Variants in USP34 observed in about 807,000 individuals in gnomAD.
The protein encoded by USP34 is ubiquitin carboxyl-terminal hydrolase 34.
A neutral mutation model predicts 460.3 loss-of-function variants in USP34; 70 were observed. The ratio of observed to expected loss-of-function variants is 0.15; its 90% confidence interval spans 0.13 to 0.19. USP34 has a LOEUF of 0.19. Among genes scored for constraint, USP34 ranks in the 10% least tolerant of loss-of-function variants. The pLI is 1.00. For missense variants in USP34, 3,985 were observed against 4,236.2 expected, an observed-to-expected ratio of 0.94 and a Z score of 1.65; for synonymous variants, 1,647 against 1,405.3, an observed-to-expected ratio of 1.17 and a Z score of -3.85.
chr2:61,367,123 C>A (rs996239965), intron 10 of USP34, among the ~76,000 whole-genome samples: 3 of 152,208 alleles, frequency 2.0e-5, no homozygotes, highest in Middle Eastern at 3.4e-3. Context: ...AAGAAATAAT[C>A]CCTCCTAGTA....
intron 13 of USP34, 108 bp downstream of exon 13, chr2:61,349,142 G>C: frequency 2.2e-6 from 3 of 1,345,916 alleles, no homozygotes; most frequent in Non-Finnish European, 3.1e-6. Flanking sequence ...TCCTCAAAAT[G>C]AACTTTATGA....
chr2:61,259,025 T>G (rs1688798538), intron 44 of USP34, among the ~76,000 whole-genome samples: 1 of 152,232 alleles, frequency 6.6e-6, no homozygotes, highest in Non-Finnish European at 1.5e-5. Context: ...TTTGGGAGGC[T>G]GAGGCAGGCA....
At chr2:61,198,627 T>G (rs550722277) in intron 75 of USP34, among the ~76,000 whole-genome samples, 2 of 152,002 alleles carry the variant, frequency 1.3e-5, no homozygotes, top group South Asian at 4.2e-4. Flanking sequence ...TCCCAGCACT[T>G]TGGGAGGCAG....
chr2:61,468,443 A>G (rs1368175676), intron 1 of USP34, among the ~76,000 whole-genome samples: 1 of 151,634 alleles, frequency 6.6e-6, no homozygotes, highest in African/African-American at 2.4e-5. Context: ...TTGGCCTCGC[A>G]AAGTGTTGGG....
intron 30 of USP34, 92 bp from the exon 31 acceptor site, chr2:61,295,382 A>C: frequency 6.8e-6 from 9 of 1,318,758 alleles, no homozygotes; most frequent in Admixed American, 5.8e-5. Context: ...ATAAAAACTC[A>C]AAATATTATA....
intron 65 of USP34, 170 bp from the exon 66 acceptor site, chr2:61,221,776 G>C (rs1687594523): frequency 1.3e-5 from 7 of 527,840 alleles, no homozygotes; most frequent in Non-Finnish European, 2.2e-5. Context: ...AGCAGGATCA[G>C]CGAGGGGTAC....
chr2:61,427,759 AAC>A (rs1343948983), intron 1 of USP34, among the ~76,000 whole-genome samples: 1 of 152,232 alleles, frequency 6.6e-6, no homozygotes, highest in Non-Finnish European at 1.5e-5. Context: ...AGTGAGTTCA[AAC>A]ACAGACTATT....
chr2:61,228,962 A>G lies in USP34; in HGVS notation c.7233T>C (p.Ile2411=). The G allele has an allele frequency of 6.2e-7, 1 of 1,604,890 alleles. No individual in the cohort carries two copies. Among genetic ancestry groups the G allele is most frequent in the Non-Finnish European group, 8.5e-7 (1 of 1,175,882 alleles). The part of the protein sequence containing the change: ...SDDMDTSVED[I]GGRSCVTRFV... ...AGCGAGTGACACATGAACGACCACCAATATCTTCTACTGAGGTATCCATAT... is the reference window on the plus strand; with the variant it reads ...AGCGAGTGACACATGAACGACCACCGATATCTTCTACTGAGGTATCCATAT... Residue 2411 remains isoleucine (I), a synonymous_variant, in exon 60 of 80, where the codon ATT becomes ATC. Transcript: ENST00000398571.
chr2:61,250,865 G>A (rs574701967), intron 48 of USP34, among the ~76,000 whole-genome samples: 2 of 152,290 alleles, frequency 1.3e-5, no homozygotes, highest in East Asian at 3.9e-4. Flanking sequence ...TAGGCTGGGT[G>A]CGGTGGCTCA....
At chr2:61,446,846 A>T (rs1396310394) in intron 1 of USP34, among the ~76,000 whole-genome samples, 1 of 151,956 alleles carries the variant, frequency 6.6e-6, no homozygotes. Context: ...CTGAGTAGAT[A>T]CTTTGCCCAT....
In USP34 at chr2:61,348,904, T is replaced by C; in HGVS notation, c.1544-18A>G. The C allele has an allele frequency of 3.8e-6, 6 of 1,588,124 alleles. No homozygotes were observed. ...AGGTGACCCTATATAAAATACATTT[T>C]TTGTTTTTACTTCTAATTTATATTA... On this transcript the variant is annotated intron_variant, in intron 13 of 79. Transcript: ENST00000398571.
In USP34 at chr2:61,283,247, G is replaced by C; in HGVS notation, c.4896C>G (p.Leu1632=). The C allele has an allele frequency of 6.2e-7, 1 of 1,613,364 alleles. No homozygotes were observed. The highest frequency in any genetic ancestry group is 1.1e-5 in the South Asian group (1 of 91,002). The stretch of plus-strand genomic sequence containing the variant: ...AACAGCAATGAGCCCAACTCACCAA[G>C]AGCCACATTGAATAATGTGAAACTA... The part of the protein sequence containing the change: ...RHEVSHYSMW[L]LVSWAHCCSL... Residue 1632 remains leucine, a synonymous_variant, in exon 37 of 80, where the codon CTC becomes CTG. Coordinates refer to ENST00000398571, the MANE Select transcript of USP34 (RefSeq NM_014709.4).
intron 53 of USP34, among the ~76,000 whole-genome samples, chr2:61,240,231 C>T (rs906488586): frequency 1.8e-5 from 2 of 109,984 alleles, no homozygotes; most frequent in South Asian, 5.2e-4. Context: ...TTACTACTTA[C>T]AACATTCTGA....
At chr2:61,351,189 T>A (rs899020587) in intron 10 of USP34, among the ~76,000 whole-genome samples, 4 of 152,176 alleles carry the variant, frequency 2.6e-5, no homozygotes, top group Non-Finnish European at 5.9e-5. Context: ...CAAAAATAAG[T>A]TAAATAGTAA....
At chr2:61,303,619 C>G (rs962486982) in intron 27 of USP34, among the ~76,000 whole-genome samples, 36 of 150,774 alleles carry the variant, frequency 2.4e-4, no homozygotes, top group African/African-American at 8.5e-4. Context: ...TTTTTTGAGA[C>G]AGAGTCTCGC....
intron 32 of USP34, among the ~76,000 whole-genome samples, chr2:61,293,820 G>A (rs1399192110): frequency 6.6e-6 from 1 of 152,028 alleles, no homozygotes; most frequent in African/African-American, 2.4e-5. Flanking sequence ...TTTGAGACCA[G>A]CCTAGACAAC....
chr2:61,469,298 C>T (rs1278943728), intron 1 of USP34, among the ~76,000 whole-genome samples: 1 of 152,142 alleles, frequency 6.6e-6, no homozygotes, highest in East Asian at 1.9e-4. Context: ...CCAAGTTGAG[C>T]GTAACAATCA....
At chr2:61,263,158 A>C (rs909466187) in intron 43 of USP34, among the ~76,000 whole-genome samples, 1 of 140,128 alleles carries the variant, frequency 7.1e-6, no homozygotes, top group African/African-American at 2.7e-5. Context: ...ACAGGCACGC[A>C]CCACCACACA....
chr2:61,277,834 C>G (rs1689416816), intron 41 of USP34: 1 of 217,530 alleles, frequency 4.6e-6, no homozygotes, highest in Admixed American at 5.4e-5. Flanking sequence ...CGGTTTCCCC[C>G]ATACTGTTCT....
Sources: allele counts gnomAD v4.1 joint callset (sites outside exome capture counted in the v4.1 genomes callset), GRCh38; gene constraint gnomAD v4.1.1; transcripts MANE v1.5; gene names NCBI Gene and HGNC (gene_info 2026-07-23, HGNC 2026-07-21).